ABLIM2: variants seen among roughly 807,000 people sequenced by gnomAD.
ABLIM2 encodes actin binding LIM protein family member 2.
In ABLIM2, 53 loss-of-function variants were observed where a neutral mutation model predicts 97.7. The ratio of observed to expected loss-of-function variants is 0.54; its 90% CI spans 0.44 to 0.68. The LOEUF is 0.68. Among genes scored for constraint, ABLIM2 ranks in the 30% least tolerant of loss-of-function variants. The pLI is 0.00. For missense variants in ABLIM2, 835 were observed against 867.2 expected (o/e 0.96, Z 0.47); for synonymous variants, 361 against 345.8 (o/e 1.04, Z -0.49).
chr4:8,006,181 C>T (rs190040271), intron 16 of ABLIM2, among the ~76,000 whole-genome samples: 12 of 152,330 alleles, frequency 7.9e-5, no homozygotes, highest in Admixed American at 3.3e-4. Context: ...AAGCAGTGCA[C>T]GAGGTGAAGG....
At chr4:8,126,527 G>T (rs182026197) in intron 1 of ABLIM2, among the ~76,000 whole-genome samples, 1 of 149,194 alleles carries the variant, frequency 6.7e-6, no homozygotes, top group Non-Finnish European at 1.5e-5. Context: ...CCCACAGGCC[G>T]CCTGGTCAAC....
rs144637293 is a variant in ABLIM2 at position 8,102,302 on chromosome 4, G to T, written c.154+4192C>A. Among the ~76,000 whole-genome samples, 477 of 152,258 alleles carry T rather than the reference G, an allele frequency of 3.1e-3. 5 individuals carry two copies. The highest frequency in any genetic ancestry group is 0.011 in the African/African-American group (465 of 41,532). On this transcript the variant is annotated intron_variant, in intron 2 of 20. Coordinates refer to ENST00000447017, the MANE Select transcript of ABLIM2 (RefSeq NM_001130083.2). ...TCCTCACCTCCTTCCACCAGGCTTT[G>T]CCCAAAGGTCACCTCCTCCGTGAGG...
At chr4:7,973,694 A>G (rs1730189630) in intron 20 of ABLIM2, among the ~76,000 whole-genome samples, 1 of 152,156 alleles carries the variant, frequency 6.6e-6, no homozygotes, top group Non-Finnish European at 1.5e-5. Flanking sequence ...TTTTCCTGCT[A>G]AGCCCTGCCC....
At chr4:8,012,009 T>C (rs1182201719) in intron 14 of ABLIM2, among the ~76,000 whole-genome samples, 1 of 152,142 alleles carries the variant, frequency 6.6e-6, no homozygotes, top group African/African-American at 2.4e-5. Flanking sequence ...TTTACCTACT[T>C]ATCCATGCAC....
intron 1 of ABLIM2, among the ~76,000 whole-genome samples, chr4:8,156,707 G>T (rs1222896261): frequency 6.6e-6 from 1 of 152,234 alleles, no homozygotes; most frequent in Non-Finnish European, 1.5e-5. Flanking sequence ...CTGGAATAAT[G>T]CCAGCGGGTG....
intron 6 of ABLIM2, 128 bp downstream of exon 6, chr4:8,077,500 G>A (rs1816980564): frequency 5.4e-6 from 5 of 922,252 alleles, no homozygotes; most frequent in Admixed American, 2.3e-5. Flanking sequence ...TGAGCTGGCA[G>A]GAATAGGGAG....
rs1310651212 is a variant in ABLIM2 at position 8,024,520 on chromosome 4, C to A, written c.1267+3239G>T. ...ACGCCAGAGGAGCCCGGGGAGCAAA[C>A]AGGAAGGGCTTTCCCAGAGGGCAGG... On this transcript the variant is annotated intron_variant, in intron 12 of 20. Transcript: ENST00000447017. Among the ~76,000 whole-genome samples the A allele has an allele frequency of 4.6e-5, 7 of 152,144 alleles. No homozygotes were observed. The South Asian group carries it at 1.5e-3, about 32-fold the overall frequency.
At chr4:8,040,837 TGGAGCACGTGTCAGAATTG>T (rs1211152563) in intron 9 of ABLIM2, among the ~76,000 whole-genome samples, 1 of 152,146 alleles carries the variant, frequency 6.6e-6, no homozygotes, top group Non-Finnish European at 1.5e-5. Context: ...CCATGGTGCT[TGGAGCACGTGTCAGAATTG>T]GGAGCACGTG....
intron 17 of ABLIM2, among the ~76,000 whole-genome samples, chr4:7,991,085 T>G (rs1414593539): frequency 6.6e-6 from 1 of 152,174 alleles, no homozygotes; most frequent in East Asian, 1.9e-4. Flanking sequence ...AGTTCTTAAT[T>G]CTGTAAAGTT....
rs527700647 is a variant in ABLIM2, at chr4:8,071,705, G to A, written c.675+5923C>T. The A allele has an allele frequency of 7.0e-3, 3,357 of 479,142 alleles. 14 individuals carry two copies. Among genetic ancestry groups the A allele is most frequent in the Non-Finnish European group, 7.8e-3 (2,936 of 375,198 alleles). The allele number at this position is 479,142 out of a possible 1,614,324, so 29.7% of individuals were successfully genotyped here. On this transcript the variant is annotated intron_variant, in intron 6 of 20. Transcript: ENST00000447017. The surrounding 1 kb of genome is among the most constrained non-coding windows in gnomAD (Gnocchi z 6.2). ...TCTGTCCCCAAAAACCCACCCACCC[G>A]CAGCCCCTCCTGGCCCCTGTGAGCC...
Position 8,132,969 on chromosome 4 carries a change from A to C in ABLIM2, c.10+25711T>G, listed in dbSNP as rs921644315. Among the ~76,000 whole-genome samples, 10 of 152,114 alleles carry C rather than the reference A, an allele frequency of 6.6e-5. No individual in the cohort carries two copies. Among genetic ancestry groups the C allele is most frequent in the African/African-American group, 2.4e-4 (10 of 41,408 alleles). On this transcript the variant is annotated intron_variant, in intron 1 of 20. Coordinates refer to ENST00000447017, the MANE Select transcript of ABLIM2 (RefSeq NM_001130083.2). This position sits in a 1 kb window ranked among gnomAD's most constrained non-coding sequence, Gnocchi z 8.0. ...CACAGACGGCAGCTTAACAACAGGC[A>C]TTTACTCTCCCCGGTTCTGGAGACC... is the stretch of plus-strand genomic sequence containing the variant.
intron 1 of ABLIM2, among the ~76,000 whole-genome samples, chr4:8,152,874 A>G (rs533926905): frequency 1.3e-5 from 2 of 152,312 alleles, no homozygotes; most frequent in African/African-American, 4.8e-5. Context: ...AAAGAAGGAC[A>G]CAGAGGTCTT....
intron 17 of ABLIM2, among the ~76,000 whole-genome samples, chr4:7,991,226 C>A (rs1160209108): frequency 6.6e-6 from 1 of 152,220 alleles, no homozygotes; most frequent in African/African-American, 2.4e-5. Context: ...TGAGAGGCAT[C>A]AATTTGCATC....
rs758472134 is a variant in ABLIM2 at position 8,140,559 on chromosome 4, G to A, written c.10+18121C>T. On this transcript the variant is annotated intron_variant, in intron 1 of 20. Coordinates refer to ENST00000447017, the MANE Select transcript of ABLIM2 (RefSeq NM_001130083.2). The surrounding 1 kb of genome is among the most constrained non-coding windows in gnomAD (Gnocchi z 5.9). ...AGCCACACGTGGCCTCTCTTTAACC[G>A]GCTTCAATGCCCCTTCAAAAACAAA... Among the ~76,000 whole-genome samples, 58 of 152,242 alleles carry A rather than the reference G, an allele frequency of 3.8e-4. No individual in the cohort carries two copies. The highest frequency in any genetic ancestry group is 3.4e-3 in the Middle Eastern group (1 of 294).
intron 8 of ABLIM2, 141 bp from the exon 9 acceptor site, chr4:8,045,382 G>A (rs920412594): frequency 1.1e-5 from 8 of 761,694 alleles, no homozygotes; most frequent in Middle Eastern, 3.2e-4. Flanking sequence ...CGGGCACGGC[G>A]GCTCACGCCT....
chr4:8,045,304 C>T (rs1293424456), intron 8 of ABLIM2, 63 bp from the exon 9 acceptor site: 2 of 1,435,824 alleles, frequency 1.4e-6, no homozygotes, highest in Non-Finnish European at 9.8e-7. Context: ...TCAGAGGCGA[C>T]TGTCAGGAGT....
At chr4:7,985,674 A>T (rs1743311336) in intron 17 of ABLIM2, among the ~76,000 whole-genome samples, 1 of 152,124 alleles carries the variant, frequency 6.6e-6, no homozygotes, top group Non-Finnish European at 1.5e-5. Flanking sequence ...GGCATGTTGT[A>T]AGTACCCATA....
At chr4:8,103,103 G>A (rs549626943) in intron 2 of ABLIM2, among the ~76,000 whole-genome samples, 3 of 152,338 alleles carry the variant, frequency 2.0e-5, no homozygotes, top group Admixed American at 1.3e-4. Context: ...GTGTGGGAGA[G>A]GGAACATTTG....
chr4:8,027,637 G>A lies in ABLIM2; in HGVS notation c.1267+122C>T, dbSNP rs560995374. The stretch of plus-strand genomic sequence containing the variant: ...CAGACACACAAGACACACACAGAGA[G>A]GGGCACAGGGCATGAAACAGGGGCT... On this transcript the variant is annotated intron_variant, in intron 12 of 20. Transcript: ENST00000447017. 37 of 674,556 alleles carry A rather than the reference G, an allele frequency of 5.5e-5. 1 individual carries two copies. In the South Asian group the frequency reaches 7.5e-4, roughly 14 times the overall value. 41.8% of individuals were successfully genotyped at this position (674,556 alleles called of 1,614,324 possible).
Sources: allele counts gnomAD v4.1 joint callset (sites outside exome capture counted in the v4.1 genomes callset), GRCh38; gene constraint gnomAD v4.1.1; non-coding constraint Gnocchi (gnomAD v3.1); transcripts MANE v1.5; gene names NCBI Gene and HGNC (gene_info 2026-07-23, HGNC 2026-07-21).